FAF1: variants seen among roughly 807,000 people sequenced by gnomAD.
FAF1 encodes FAS-associated factor 1.
A neutral mutation model predicts 92.5 loss-of-function variants in FAF1; 25 were observed. The ratio of observed to expected loss-of-function variants is 0.27; its 90% confidence interval spans 0.20 to 0.38. FAF1 has a LOEUF of 0.38. Ranked by LOEUF, FAF1 falls within the 10% of genes least tolerant of loss-of-function variation. FAF1 has a pLI of 1.00. For synonymous variants in FAF1, 234 were observed against 273.2 expected, an observed-to-expected ratio of 0.86 and a Z score of 1.42; for missense variants, 636 against 793.3, an observed-to-expected ratio of 0.80 and a Z score of 2.38.
At chr1:50,710,307 T>C (rs764710341) in intron 6 of FAF1, among the ~76,000 whole-genome samples, 1 of 152,288 alleles carries the variant, frequency 6.6e-6, no homozygotes, top group South Asian at 2.1e-4. Flanking sequence ...AGAACACCAA[T>C]TTTGTCTAGT....
intron 15 of FAF1, among the ~76,000 whole-genome samples, chr1:50,513,349 T>C (rs996291377): frequency 6.6e-6 from 1 of 152,144 alleles, no homozygotes; most frequent in Non-Finnish European, 1.5e-5. Context: ...CCGGGCATGG[T>C]GGTGCATGCC....
At chr1:50,905,779 C>A (rs574215560) in intron 1 of FAF1, among the ~76,000 whole-genome samples, 1 of 152,126 alleles carries the variant, frequency 6.6e-6, no homozygotes, top group African/African-American at 2.4e-5. Flanking sequence ...TGGATATTAG[C>A]CCTTTGTCAG....
At position 50,669,205 on chromosome 1, in the gene FAF1, G is replaced by A. The variant is rs375909388; in HGVS notation, c.658-13677C>T. 2.1e-4 allele frequency among the ~76,000 whole-genome samples: 32 copies of A among 152,040 alleles called. No individual in the cohort carries two copies. The South Asian group carries it at 6.0e-3, about 29-fold the overall frequency. On this transcript the variant is annotated intron_variant, in intron 7 of 18. Coordinates refer to ENST00000396153, the MANE Select transcript of FAF1 (RefSeq NM_007051.3). Reference sequence around the variant, plus strand: ...TGCCCTCAAGTATTAACAACTCTACGGGGTTTCTCTAATCTCAGCTCTGAA... The same window carrying A: ...TGCCCTCAAGTATTAACAACTCTACAGGGTTTCTCTAATCTCAGCTCTGAA...
chr1:50,621,219 C>T (rs904349795), intron 8 of FAF1, among the ~76,000 whole-genome samples: 1 of 152,074 alleles, frequency 6.6e-6, no homozygotes, highest in African/African-American at 2.4e-5. Context: ...TCCTGAGTCA[C>T]TGGGAAAATA....
chr1:50,707,288 C>T (rs1445080949), intron 6 of FAF1, among the ~76,000 whole-genome samples: 1 of 151,450 alleles, frequency 6.6e-6, no homozygotes, highest in East Asian at 1.9e-4. Flanking sequence ...GTAGACTATA[C>T]TTAGCGAGCA....
At chr1:50,916,952 T>A (rs975207957) in intron 1 of FAF1, among the ~76,000 whole-genome samples, 3 of 152,100 alleles carry the variant, frequency 2.0e-5, no homozygotes, top group African/African-American at 4.8e-5. Flanking sequence ...ATTAGCCAAG[T>A]CCTAGGTAAC....
chr1:50,610,709 C>T (rs1460793685), intron 8 of FAF1, among the ~76,000 whole-genome samples: 2 of 151,972 alleles, frequency 1.3e-5, no homozygotes, highest in Non-Finnish European at 2.9e-5. Context: ...CTGTTTTTCT[C>T]GGTTAGAAGT....
At chr1:50,932,486 A>G (rs1307462574) in intron 1 of FAF1, among the ~76,000 whole-genome samples, 3 of 152,258 alleles carry the variant, frequency 2.0e-5, no homozygotes, top group African/African-American at 7.2e-5. Context: ...CTTTGACTCC[A>G]GGTCTCACAT....
At position 50,548,050 on chromosome 1, in the gene FAF1, GA is replaced by G. The variant is rs536797772; in HGVS notation, c.1269-8323del. 1.4e-4 allele frequency among the ~76,000 whole-genome samples: 22 copies of G among 152,230 alleles called. No individual in the cohort carries two copies. In the South Asian group the frequency reaches 4.6e-3, roughly 32 times the overall value. ...GAAATTCCTTCTCTAGCAATGCAAA[GA>G]AAAGATTCACTTTCCAGGGCCTGAA... On this transcript the variant is annotated intron_variant, in intron 13 of 18. Transcript: ENST00000396153.
chr1:50,782,986 T>C (rs1220174440), intron 4 of FAF1, among the ~76,000 whole-genome samples: 2 of 152,122 alleles, frequency 1.3e-5, no homozygotes, highest in Non-Finnish European at 2.9e-5. Context: ...ACTGAGTGTT[T>C]TTTTTAAAGA....
At chr1:50,788,271 C>G in intron 3 of FAF1, 66 bp from the exon 4 acceptor site, 1 of 1,348,714 alleles carries the variant, frequency 7.4e-7, no homozygotes, top group Non-Finnish European at 1.1e-6. Flanking sequence ...ACTAGGGACC[C>G]TCTCCATACT....
chr1:50,611,546 A>C (rs1419315146), intron 8 of FAF1, among the ~76,000 whole-genome samples: 1 of 152,200 alleles, frequency 6.6e-6, no homozygotes, highest in Non-Finnish European at 1.5e-5. Context: ...TTTAAAAATA[A>C]ATAAGATGGT....
chr1:50,542,039 C>T (rs939865783), intron 13 of FAF1, among the ~76,000 whole-genome samples: 3 of 152,124 alleles, frequency 2.0e-5, no homozygotes, highest in African/African-American at 7.2e-5. Flanking sequence ...ACAAAGTGAT[C>T]AATTTTCTGC....
chr1:50,652,248 T>C (rs1363310333), intron 8 of FAF1, among the ~76,000 whole-genome samples: 1 of 152,228 alleles, frequency 6.6e-6, no homozygotes, highest in Non-Finnish European at 1.5e-5. Context: ...CTGCTTTCCA[T>C]ATTTTCCTAT....
intron 8 of FAF1, 91 bp from the exon 9 acceptor site, chr1:50,596,307 A>C: frequency 1.1e-6 from 1 of 891,558 alleles, no homozygotes; most frequent in Non-Finnish European, 1.8e-6. Flanking sequence ...ATTATTGCTG[A>C]AGCTAGATTA....
intron 13 of FAF1, among the ~76,000 whole-genome samples, chr1:50,566,121 G>C (rs1650164841): frequency 6.6e-6 from 1 of 152,064 alleles, no homozygotes; most frequent in African/African-American, 2.4e-5. Flanking sequence ...TGAAGTATTA[G>C]ATTATGAAAT....
intron 7 of FAF1, among the ~76,000 whole-genome samples, chr1:50,700,312 C>T (rs1316091998): frequency 1.3e-5 from 2 of 152,004 alleles, no homozygotes; most frequent in African/African-American, 4.8e-5. Flanking sequence ...GTTCTTTTCC[C>T]CCCTCTCTCT....
chr1:50,939,147 G>A (rs1645110211), intron 1 of FAF1, among the ~76,000 whole-genome samples: 1 of 152,196 alleles, frequency 6.6e-6, no homozygotes, highest in Admixed American at 6.5e-5. Context: ...TGTATAAATT[G>A]CTCTGGAGAG....
intron 15 of FAF1, among the ~76,000 whole-genome samples, chr1:50,498,732 C>A (rs1482295481): frequency 6.6e-6 from 1 of 152,048 alleles, no homozygotes; most frequent in Non-Finnish European, 1.5e-5. Context: ...TGCCTATAAT[C>A]CCAGCTACTC....
Sources: gnomAD v4.1 joint callset for allele counts (sites outside exome capture counted in the v4.1 genomes callset) on GRCh38, gnomAD v4.1.1 for gene constraint, MANE v1.5 for transcripts, NCBI Gene and HGNC (gene_info 2026-07-23, HGNC 2026-07-21) for gene names.